HECW1: variants seen among roughly 807,000 people sequenced by gnomAD.
The protein encoded by HECW1 is HECT, C2 and WW domain containing E3 ubiquitin protein ligase 1.
In HECW1, 61 loss-of-function variants were observed where a neutral mutation model predicts 182.3. The ratio of observed to expected loss-of-function variants is 0.33; its 90% confidence interval spans 0.27 to 0.41. The LOEUF (loss-of-function observed/expected upper bound fraction) is 0.41, where lower values mean the gene tolerates loss of function less well. Ranked by LOEUF, HECW1 falls within the 10% of genes least tolerant of loss-of-function variation. HECW1 has a pLI of 1.00. For missense variants in HECW1, 1,739 were observed against 2,108.9 expected (o/e 0.82, Z 3.44); for synonymous variants, 859 against 832.6 (o/e 1.03, Z -0.55).
At chr7:43,117,735 G>A (rs1785181413) in intron 2 of HECW1, among the ~76,000 whole-genome samples, 1 of 152,098 alleles carries the variant, frequency 6.6e-6, no homozygotes, top group African/African-American at 2.4e-5. Context: ...TGGATGTGTG[G>A]GTATTGGTAA....
intron 2 of HECW1, among the ~76,000 whole-genome samples, chr7:43,170,620 G>A (rs1182703896): frequency 6.6e-6 from 1 of 152,180 alleles, no homozygotes; most frequent in Non-Finnish European, 1.5e-5. Context: ...AGAGGTAGCA[G>A]GGGTTGCATT....
At chr7:43,474,218 G>A (rs1002901777) in intron 16 of HECW1, among the ~76,000 whole-genome samples, 2 of 152,234 alleles carry the variant, frequency 1.3e-5, no homozygotes, top group Non-Finnish European at 2.9e-5. Flanking sequence ...GGGAGGCCAA[G>A]GCGGGTGGAT....
At chr7:43,377,499 G>A (rs1584692472) in intron 6 of HECW1, among the ~76,000 whole-genome samples, 1 of 152,178 alleles carries the variant, frequency 6.6e-6, no homozygotes, top group East Asian at 1.9e-4. Context: ...TAAACTAGGT[G>A]AAAGTGTCCC....
intron 3 of HECW1, among the ~76,000 whole-genome samples, chr7:43,251,827 C>T (rs1049964631): frequency 6.6e-6 from 1 of 152,186 alleles, no homozygotes; most frequent in Non-Finnish European, 1.5e-5. Flanking sequence ...TGTTATTTTG[C>T]TCCAGTTACT....
intron 2 of HECW1, among the ~76,000 whole-genome samples, chr7:43,176,329 G>A (rs74915008): frequency 5.8e-4 from 88 of 152,306 alleles, no homozygotes; most frequent in Middle Eastern, 3.4e-3. Flanking sequence ...ATAAGAGGTC[G>A]TGAAGCAGTC....
At chr7:43,481,133 A>T (rs867892266) in intron 17 of HECW1, among the ~76,000 whole-genome samples, 1 of 152,174 alleles carries the variant, frequency 6.6e-6, no homozygotes, top group Non-Finnish European at 1.5e-5. Flanking sequence ...TGAGCATTAC[A>T]TGGGTGTCAG....
At chr7:43,294,881 G>A (rs1805845150) in intron 3 of HECW1, among the ~76,000 whole-genome samples, 1 of 152,116 alleles carries the variant, frequency 6.6e-6, no homozygotes, top group Non-Finnish European at 1.5e-5. Context: ...TCAGGGAACA[G>A]CTTGGTTTTA....
At chr7:43,310,562 A>G (rs1808379680) in intron 3 of HECW1, among the ~76,000 whole-genome samples, 1 of 152,228 alleles carries the variant, frequency 6.6e-6, no homozygotes, top group Admixed American at 6.5e-5. Context: ...CCCCATGGCC[A>G]TAGAGGACCA....
chr7:43,553,694 T>C (rs947377724), intron 28 of HECW1, among the ~76,000 whole-genome samples: 1 of 147,250 alleles, frequency 6.8e-6, no homozygotes, highest in Non-Finnish European at 1.5e-5. Context: ...AAAAAGTCTC[T>C]GCCTGGCTGT....
At position 43,466,485 on chromosome 7, in the gene HECW1, C is replaced by CA. The variant is rs767032552; in HGVS notation, c.2836dup (p.Ile946AsnfsTer27). On this transcript the variant is annotated frameshift_variant, in exon 15 of 30. Transcript: ENST00000395891. LOFTEE classifies it high-confidence loss of function. ...AGGGTCACTTTCTCCAGTGAACTCA[C>CA]AAAAAATCACCTTGCTGCTGCAGTC... The CA allele has an allele frequency of 6.2e-7, 1 of 1,613,810 alleles. No individual in the cohort carries two copies. The highest frequency in any genetic ancestry group is 8.5e-7 in the Non-Finnish European group (1 of 1,179,772).
At chr7:43,227,541 G>A (rs2152706837) in intron 2 of HECW1, among the ~76,000 whole-genome samples, 1 of 152,158 alleles carries the variant, frequency 6.6e-6, no homozygotes, top group Middle Eastern at 3.4e-3. Flanking sequence ...AATATGCCAT[G>A]TTCTTTCATG....
In HECW1 at chr7:43,500,752, C is replaced by T. The variant is rs772721423; in HGVS notation, c.3491C>T (p.Ser1164Phe). 5.0e-6 allele frequency: 8 copies of T among 1,613,786 alleles called. No homozygotes were observed. The highest frequency in any genetic ancestry group is 5.9e-6 in the Non-Finnish European group (7 of 1,179,778). The change falls in exon 20 of 30, where the codon TCC becomes TTC. Residue 1164 changes from serine (S) to phenylalanine (F), a missense_variant. Around this residue, in one of 5 missense-constraint regions of HECW1, gnomAD observed 420 missense variants for 595.7 expected, o/e 0.71. Coordinates refer to ENST00000395891, the MANE Select transcript of HECW1 (RefSeq NM_015052.5). ...GGTAATCACGGGCTTGAGAAGTTGT[C>T]CTGTGATGCGGATCTGGTCATTTTG... Reference protein sequence around the residue: ...TEGNHGLEKLSCDADLVILLS... With the variant: ...TEGNHGLEKLFCDADLVILLS...
chr7:43,378,991 G>A (rs1396377244), intron 6 of HECW1, among the ~76,000 whole-genome samples: 1 of 152,074 alleles, frequency 6.6e-6, no homozygotes, highest in East Asian at 1.9e-4. Context: ...TGCTTATGGG[G>A]GGGCGGTGTG....
At chr7:43,280,595 A>T (rs899270111) in intron 3 of HECW1, among the ~76,000 whole-genome samples, 1 of 152,226 alleles carries the variant, frequency 6.6e-6, no homozygotes, top group Non-Finnish European at 1.5e-5. Context: ...GCAAGAGCAC[A>T]ATAGCACACT....
Position 43,562,182 on chromosome 7 carries a change from T to C in HECW1, c.*256T>C. 1 of 401,412 alleles carries C rather than the reference T, an allele frequency of 2.5e-6. No individual in the cohort carries two copies. The allele number at this position is 401,412 out of a possible 1,614,324, so 24.9% of individuals were successfully genotyped here. A position where few individuals can be genotyped will look rare whatever the true frequency, so the allele number is the denominator to read the frequency against. On this transcript the variant is annotated 3_prime_UTR_variant, in exon 30 of 30. Coordinates refer to ENST00000395891, the MANE Select transcript of HECW1 (RefSeq NM_015052.5). ...ATATTAAAAAACAGCTGTCTCAAGG[T>C]CTGTGTATATCTCCACATACCTCCA...
intron 3 of HECW1, among the ~76,000 whole-genome samples, chr7:43,253,101 A>G (rs1800205228): frequency 1.3e-5 from 2 of 151,646 alleles, no homozygotes; most frequent in African/African-American, 2.4e-5. Context: ...CTGGTTCAGT[A>G]GCTGGTCAAG....
chr7:43,320,433 T>C (rs1394295842), intron 4 of HECW1, among the ~76,000 whole-genome samples: 3 of 152,214 alleles, frequency 2.0e-5, no homozygotes, highest in Non-Finnish European at 2.9e-5. Context: ...GCTATGGGGT[T>C]GGGAGGCGAT....
intron 2 of HECW1, among the ~76,000 whole-genome samples, chr7:43,227,503 A>T (rs1797532397): frequency 6.6e-6 from 1 of 152,216 alleles, no homozygotes; most frequent in Non-Finnish European, 1.5e-5. Context: ...CTTTACTAAG[A>T]AACATAAAAG....
At position 43,480,648 on chromosome 7, in the gene HECW1, T is replaced by G. The variant is rs189966550; in HGVS notation, c.3234+904T>G. ...GCGTGTGTGTGTGTGTACATATGTG[T>G]GTGTGTGTGTATATATATACACACA... On this transcript the variant is annotated intron_variant, in intron 17 of 29. Transcript: ENST00000395891. Among the ~76,000 whole-genome samples, 1,069 of 151,570 alleles carry G rather than the reference T, an allele frequency of 7.1e-3. 9 individuals are homozygous for G. Among genetic ancestry groups the G allele is most frequent in the Non-Finnish European group, 0.011 (733 of 67,846 alleles).
Sources: gnomAD v4.1 joint callset for allele counts (sites outside exome capture counted in the v4.1 genomes callset) on GRCh38, gnomAD v4.1.1 for gene constraint, gnomAD v4.1.1 regional missense constraint, MANE v1.5 for transcripts, NCBI Gene and HGNC (gene_info 2026-07-23, HGNC 2026-07-21) for gene names.